LRMDA: variants seen among roughly 807,000 people sequenced by gnomAD.
The protein encoded by LRMDA is leucine rich melanocyte differentiation associated.
LRMDA carries 18 observed loss-of-function variants against 29.8 expected under a neutral mutation model. That is an observed-to-expected ratio of 0.60 (90% CI 0.42 to 0.90). The LOEUF (loss-of-function observed/expected upper bound fraction) is 0.90, where lower values mean the gene tolerates loss of function less well. Ranked by LOEUF, LRMDA falls within the 40% of genes least tolerant of loss-of-function variation. LRMDA has a pLI of 0.00. For synonymous variants in LRMDA, 125 were observed against 109.4 expected, an observed-to-expected ratio of 1.14 and a Z score of -0.89; for missense variants, 273 against 273.9, an observed-to-expected ratio of 1.00 and a Z score of 0.02.
chr10:76,084,916 A>G (rs2132083602), intron 5 of LRMDA, among the ~76,000 whole-genome samples: 1 of 152,270 alleles, frequency 6.6e-6, no homozygotes, highest in Admixed American at 6.5e-5. Context: ...TCTTCATTAC[A>G]CTGGACCAAG....
At chr10:76,287,524 C>A (rs925558499) in intron 5 of LRMDA, among the ~76,000 whole-genome samples, 6 of 151,970 alleles carry the variant, frequency 3.9e-5, no homozygotes, top group Non-Finnish European at 7.4e-5. Flanking sequence ...TCTTTGGTAT[C>A]TTCTGTAGTG....
rs76574722 is a variant in LRMDA, at chr10:76,176,140, T to C, written c.516+117357T>C. Among the ~76,000 whole-genome samples the C allele has an allele frequency of 4.6e-3, 705 of 152,316 alleles. 4 individuals are homozygous for C. The highest frequency in any genetic ancestry group is 0.016 in the African/African-American group (684 of 41,566). On this transcript the variant is annotated intron_variant, in intron 5 of 6. Coordinates refer to ENST00000611255, the MANE Select transcript of LRMDA (RefSeq NM_001305581.2). Reference sequence around the variant, plus strand: ...ATATCCTGTGGACAGATGATAGATATGTCATATCACTGAAAAATTGTTTGT... The same window carrying C: ...ATATCCTGTGGACAGATGATAGATACGTCATATCACTGAAAAATTGTTTGT...
chr10:75,630,669 T>C (rs1841311093), intron 2 of LRMDA, among the ~76,000 whole-genome samples: 1 of 152,184 alleles, frequency 6.6e-6, no homozygotes, highest in South Asian at 2.1e-4. Flanking sequence ...GGGTGACTGG[T>C]TAGATTAAAT....
chr10:76,368,940 C>T (rs779104995), intron 6 of LRMDA, among the ~76,000 whole-genome samples: 14 of 152,042 alleles, frequency 9.2e-5, no homozygotes, highest in African/African-American at 1.7e-4. Flanking sequence ...TTTTGGTGTC[C>T]GTTTGCATGA....
chr10:75,493,304 C>T (rs1030958792), intron 2 of LRMDA, among the ~76,000 whole-genome samples: 7 of 150,238 alleles, frequency 4.7e-5, no homozygotes, highest in Non-Finnish European at 4.4e-5. Context: ...AGTTTTGGCT[C>T]TTTGGGATCT....
intron 6 of LRMDA, among the ~76,000 whole-genome samples, chr10:76,410,325 T>A (rs1841946772): frequency 7.0e-6 from 1 of 143,520 alleles, no homozygotes; most frequent in Non-Finnish European, 1.5e-5. Context: ...TTTTTTTTTT[T>A]TGAGATAGGG....
At chr10:76,102,046 C>T (rs1323001766) in intron 5 of LRMDA, among the ~76,000 whole-genome samples, 2 of 152,042 alleles carry the variant, frequency 1.3e-5, no homozygotes, top group Non-Finnish European at 2.9e-5. Flanking sequence ...TTGTAAATGA[C>T]TTCTTTCACT....
chr10:75,858,972 G>A (rs1045877760), intron 2 of LRMDA, among the ~76,000 whole-genome samples: 7 of 152,194 alleles, frequency 4.6e-5, no homozygotes, highest in African/African-American at 1.2e-4. Flanking sequence ...GTATAGTGCT[G>A]TATACATTCA....
intron 2 of LRMDA, among the ~76,000 whole-genome samples, chr10:75,788,205 C>A (rs2132249538): frequency 6.6e-6 from 1 of 152,264 alleles, no homozygotes; most frequent in East Asian, 1.9e-4. Context: ...GTCTCAGAAA[C>A]AAGAAAATCA....
At chr10:76,024,110 A>G (rs1848022275) in intron 2 of LRMDA, among the ~76,000 whole-genome samples, 1 of 152,214 alleles carries the variant, frequency 6.6e-6, no homozygotes, top group Non-Finnish European at 1.5e-5. Context: ...CTGTGTGTTT[A>G]CCAACTAGAT....
chr10:76,467,305 G>A (rs1255525461), intron 6 of LRMDA, among the ~76,000 whole-genome samples: 1 of 152,192 alleles, frequency 6.6e-6, no homozygotes, highest in African/African-American at 2.4e-5. Flanking sequence ...AGGATGTAAT[G>A]ATTTCAGAGT....
intron 6 of LRMDA, among the ~76,000 whole-genome samples, chr10:76,346,041 T>G (rs1171267589): frequency 6.6e-6 from 1 of 152,188 alleles, no homozygotes; most frequent in Non-Finnish European, 1.5e-5. Flanking sequence ...TGGCAGAACT[T>G]ATTTATTTAA....
chr10:75,553,647 A>C (rs1405608950), intron 2 of LRMDA, among the ~76,000 whole-genome samples: 1 of 152,146 alleles, frequency 6.6e-6, no homozygotes, highest in African/African-American at 2.4e-5. Context: ...GTAACTGAAA[A>C]GGTTTTCTAC....
intron 5 of LRMDA, among the ~76,000 whole-genome samples, chr10:76,279,346 C>T (rs545129536): frequency 6.6e-6 from 1 of 152,198 alleles, no homozygotes; most frequent in East Asian, 1.9e-4. Flanking sequence ...GAACATAATA[C>T]AGGCAAAAAT....
At chr10:75,555,512 A>C (rs79020768) in intron 2 of LRMDA, among the ~76,000 whole-genome samples, 1 of 152,280 alleles carries the variant, frequency 6.6e-6, no homozygotes, top group Admixed American at 6.5e-5. Flanking sequence ...TGTGTGGTGC[A>C]GATTCCACAC....
At chr10:75,998,086 C>T (rs143762014) in intron 2 of LRMDA, among the ~76,000 whole-genome samples, 153 of 152,222 alleles carry the variant, frequency 1.0e-3, no homozygotes, top group African/African-American at 3.3e-3. Context: ...GATGAGAATG[C>T]GAACAGGTAA....
intron 2 of LRMDA, among the ~76,000 whole-genome samples, chr10:75,788,584 T>A (rs1379700069): frequency 6.6e-6 from 1 of 151,966 alleles, no homozygotes; most frequent in African/African-American, 2.4e-5. Flanking sequence ...TTTGCCAGAG[T>A]TTTTGCAAGC....
intron 5 of LRMDA, among the ~76,000 whole-genome samples, chr10:76,111,698 C>A (rs1849581068): frequency 6.6e-6 from 1 of 152,136 alleles, no homozygotes; most frequent in African/African-American, 2.4e-5. Flanking sequence ...CAGACGTATA[C>A]AAAGGATAAA....
At chr10:76,427,824 ATTT>A (rs921729664) in intron 6 of LRMDA, among the ~76,000 whole-genome samples, 1 of 152,142 alleles carries the variant, frequency 6.6e-6, no homozygotes, top group African/African-American at 2.4e-5. Context: ...GGACTGTTGA[ATTT>A]TGTCAAAGGC....
Sources: allele counts gnomAD v4.1 joint callset (sites outside exome capture counted in the v4.1 genomes callset), GRCh38; gene constraint gnomAD v4.1.1; transcripts MANE v1.5; gene names NCBI Gene and HGNC (gene_info 2026-07-23, HGNC 2026-07-21).